Variants in BNC2 observed in about 807,000 individuals in gnomAD.
The protein encoded by BNC2 is zinc finger protein basonuclin-2.
Under a neutral mutation model 76.3 loss-of-function variants are expected in BNC2, and 20 were observed. The observed-to-expected ratio is 0.26, with a 90% CI of 0.18 to 0.38. The LOEUF (loss-of-function observed/expected upper bound fraction) is 0.38, where lower values mean the gene tolerates loss of function less well. Ranked by LOEUF, BNC2 falls within the 10% of genes least tolerant of loss-of-function variation. The pLI is 1.00. For synonymous variants in BNC2, 582 were observed against 514.8 expected (o/e 1.13, Z -1.77); for missense variants, 1,382 against 1,399.8 (o/e 0.99, Z 0.20).
chr9:16,610,746 G>C (rs563363351), intron 3 of BNC2, among the ~76,000 whole-genome samples: 2 of 152,248 alleles, frequency 1.3e-5, no homozygotes, highest in African/African-American at 4.8e-5. Flanking sequence ...AGTCTTTCCA[G>C]GGGTACAACA....
intron 1 of BNC2, among the ~76,000 whole-genome samples, chr9:16,838,012 G>A (rs1818746769): frequency 6.6e-6 from 1 of 152,064 alleles, no homozygotes; most frequent in Admixed American, 6.5e-5. Flanking sequence ...ACGCCAAAAG[G>A]AAAAGGCAAC....
At chr9:16,780,802 A>G (rs999160108) in intron 1 of BNC2, among the ~76,000 whole-genome samples, 1 of 152,192 alleles carries the variant, frequency 6.6e-6, no homozygotes, top group Non-Finnish European at 1.5e-5. Flanking sequence ...GTATTAAGAT[A>G]GAATACCTTG....
chr9:16,800,604 C>A (rs1007805632), intron 1 of BNC2, among the ~76,000 whole-genome samples: 4 of 151,618 alleles, frequency 2.6e-5, no homozygotes, highest in African/African-American at 7.3e-5. Context: ...TTCTAAGGTA[C>A]CTATTTAAGA....
chr9:16,845,272 C>T (rs1818941586), intron 1 of BNC2, among the ~76,000 whole-genome samples: 3 of 152,016 alleles, frequency 2.0e-5, no homozygotes, highest in Admixed American at 2.0e-4. Context: ...GAGAAATGGG[C>T]ATTTTTTTAA....
intron 1 of BNC2, among the ~76,000 whole-genome samples, chr9:16,784,645 GC>G (rs1455818374): frequency 6.6e-6 from 1 of 152,190 alleles, no homozygotes; most frequent in East Asian, 1.9e-4. Flanking sequence ...CTGAGCACTG[GC>G]AAAGTCAGAG....
intron 1 of BNC2, among the ~76,000 whole-genome samples, chr9:16,793,860 G>GTTTTTTTTTTTT (rs377349585): frequency 1.0e-5 from 1 of 97,352 alleles, no homozygotes; most frequent in Non-Finnish European, 1.9e-5. Context: ...TGTGGTTTTT[G>GTTTTTTTTTTTT]TTTTTTTGTT....
chr9:16,655,138 G>A (rs1297662898), intron 3 of BNC2, among the ~76,000 whole-genome samples: 1 of 151,548 alleles, frequency 6.6e-6, no homozygotes, highest in South Asian at 2.1e-4. Context: ...GCCACATTAT[G>A]CTTCATATTA....
chr9:16,653,471 T>C (rs894099557), intron 3 of BNC2, among the ~76,000 whole-genome samples: 4 of 152,162 alleles, frequency 2.6e-5, no homozygotes, highest in Non-Finnish European at 5.9e-5. Context: ...TAAAAAGGGC[T>C]TCTTTTTGTG....
chr9:16,708,036 C>T (rs1289316132), intron 3 of BNC2, among the ~76,000 whole-genome samples: 1 of 152,110 alleles, frequency 6.6e-6, no homozygotes, highest in Non-Finnish European at 1.5e-5. Context: ...ACGATGAAAA[C>T]TATTTTCTAT....
At chr9:16,767,706 C>T (rs545679761) in intron 1 of BNC2, among the ~76,000 whole-genome samples, 3 of 152,260 alleles carry the variant, frequency 2.0e-5, no homozygotes, top group African/African-American at 7.2e-5. Flanking sequence ...AGTTTTCAAA[C>T]ATGTATTATA....
intron 1 of BNC2, among the ~76,000 whole-genome samples, chr9:16,751,685 T>C (rs1825212798): frequency 2.6e-5 from 1 of 37,822 alleles, no homozygotes; most frequent in African/African-American, 5.5e-5. Flanking sequence ...TATATATATG[T>C]ATGTGTGTAT....
At chr9:16,649,751 C>T (rs1821739814) in intron 3 of BNC2, among the ~76,000 whole-genome samples, 2 of 152,096 alleles carry the variant, frequency 1.3e-5, no homozygotes, top group Non-Finnish European at 2.9e-5. Flanking sequence ...CCAGATGATA[C>T]GTCAATAAAC....
At chr9:16,687,986 G>C (rs887989373) in intron 3 of BNC2, among the ~76,000 whole-genome samples, 13 of 152,162 alleles carry the variant, frequency 8.5e-5, no homozygotes, top group African/African-American at 2.9e-4. Context: ...AACTAGTAGG[G>C]AAGTGGGTAC....
chr9:16,777,459 A>G (rs4961759), intron 1 of BNC2, among the ~76,000 whole-genome samples: 139,123 of 152,116 alleles, frequency 0.91, 63,625 homozygotes, highest in East Asian at 0.99. Flanking sequence ...CCAGCACTTT[A>G]GGAGGCCGAG....
At chr9:16,745,430 A>G (rs1205703629) in intron 1 of BNC2, among the ~76,000 whole-genome samples, 1 of 152,236 alleles carries the variant, frequency 6.6e-6, no homozygotes, top group Non-Finnish European at 1.5e-5. Flanking sequence ...GTGAGGCGTT[A>G]AAGAATTAAA....
chr9:16,552,512 T>C lies in BNC2; in HGVS notation c.669+18A>G, dbSNP rs1042573958. 6.2e-7 allele frequency: 1 copy of C among 1,612,192 alleles called. No individual in the cohort carries two copies. The highest frequency in any genetic ancestry group is 2.2e-5 in the East Asian group (1 of 44,832). On this transcript the variant is annotated intron_variant, in intron 5 of 6. Coordinates refer to ENST00000380672, the MANE Select transcript of BNC2 (RefSeq NM_017637.6). ...CAGTCGGCCCCGGACACGGGCGGCGTTCAAGTCCTCTCCCTACCTGAAGGA... is the reference window on the plus strand; with the variant it reads ...CAGTCGGCCCCGGACACGGGCGGCGCTCAAGTCCTCTCCCTACCTGAAGGA...
At position 16,858,583 on chromosome 9, in the gene BNC2, G is replaced by A. The variant is rs553763289; in HGVS notation, c.3+12063C>T. The stretch of plus-strand genomic sequence containing the variant: ...CTTCTGGCCAGGCGCGGTGGCTCAC[G>A]CCTGTAATCCCAGCACTTTGGGAGG... On this transcript the variant is annotated intron_variant, in intron 1 of 6. Coordinates refer to ENST00000380672, the MANE Select transcript of BNC2 (RefSeq NM_017637.6). 7.2e-5 allele frequency among the ~76,000 whole-genome samples: 11 copies of A among 152,244 alleles called. No homozygotes were observed. In the South Asian group the frequency reaches 8.3e-4, roughly 11 times the overall value.
chr9:16,807,267 ATGT>A (rs1172926408), intron 1 of BNC2, among the ~76,000 whole-genome samples: 1 of 152,202 alleles, frequency 6.6e-6, no homozygotes, highest in Non-Finnish European at 1.5e-5. Context: ...AATGCATTAA[ATGT>A]TATCTACAGA....
chr9:16,652,876 A>G (rs1821831278), intron 3 of BNC2, among the ~76,000 whole-genome samples: 1 of 152,160 alleles, frequency 6.6e-6, no homozygotes, highest in Non-Finnish European at 1.5e-5. Flanking sequence ...CTTGGAGGCA[A>G]GCATTTCTGG....
Sources: allele counts gnomAD v4.1 joint callset (sites outside exome capture counted in the v4.1 genomes callset), GRCh38; gene constraint gnomAD v4.1.1; transcripts MANE v1.5; gene names NCBI Gene and HGNC (gene_info 2026-07-23, HGNC 2026-07-21).